Variants in NAV3 observed in about 807,000 individuals in gnomAD.
NAV3 encodes the protein pore membrane and/or filament interacting like protein 1.
Under a neutral mutation model 244.7 loss-of-function variants are expected in NAV3, and 87 were observed. The ratio of observed to expected loss-of-function variants is 0.36; its 90% CI spans 0.30 to 0.42. NAV3 has a LOEUF of 0.42. NAV3 is among the 20% of genes least tolerant of loss of function. The pLI, the probability that NAV3 is intolerant of heterozygous loss-of-function variation, is 1.00. For synonymous variants in NAV3, 1,126 were observed against 1,042.2 expected, an observed-to-expected ratio of 1.08 and a Z score of -1.55; for missense variants, 2,663 against 2,893.3, an observed-to-expected ratio of 0.92 and a Z score of 1.83.
At chr12:77,822,618 T>C (rs1440192890) in intron 2 of NAV3, among the ~76,000 whole-genome samples, 1 of 152,174 alleles carries the variant, frequency 6.6e-6, no homozygotes, top group Non-Finnish European at 1.5e-5. Context: ...TCTTATCTTA[T>C]TTTTTATTCT....
intron 1 of NAV3, among the ~76,000 whole-genome samples, chr12:77,936,562 A>G (rs1020293931): frequency 6.6e-6 from 1 of 152,184 alleles, no homozygotes; most frequent in Admixed American, 6.5e-5. Flanking sequence ...CAATTTCTTC[A>G]CTAAAAAAAC....
intron 2 of NAV3, among the ~76,000 whole-genome samples, chr12:77,777,952 C>T (rs1043321518): frequency 6.6e-6 from 1 of 151,880 alleles, no homozygotes; most frequent in South Asian, 2.1e-4. Context: ...ACTACAGGTA[C>T]GCACCACAAT....
chr12:77,822,768 G>C (rs1333461517), intron 2 of NAV3, among the ~76,000 whole-genome samples: 2 of 152,082 alleles, frequency 1.3e-5, no homozygotes, highest in African/African-American at 4.8e-5. Flanking sequence ...CAACTTGTTA[G>C]TACGAGTCAT....
At chr12:77,592,196 G>T (rs711107) in intron 2 of NAV3, among the ~76,000 whole-genome samples, 10,571 of 152,242 alleles carry the variant, frequency 0.069, 427 homozygotes, top group Middle Eastern at 0.15. Context: ...TCAACATGGG[G>T]CTGGAGACTG....
chr12:77,636,700 T>A (rs1872172894), intron 2 of NAV3, among the ~76,000 whole-genome samples: 1 of 152,118 alleles, frequency 6.6e-6, no homozygotes, highest in East Asian at 1.9e-4. Context: ...TGGACACATA[T>A]GTTTTTTGCA....
intron 21 of NAV3, among the ~76,000 whole-genome samples, chr12:78,146,689 T>A (rs2139191070): frequency 6.6e-6 from 1 of 152,226 alleles, no homozygotes. Flanking sequence ...AGGTCTATGG[T>A]CTTCCTATTT....
At chr12:77,650,254 C>A (rs1872765774) in intron 2 of NAV3, among the ~76,000 whole-genome samples, 1 of 152,064 alleles carries the variant, frequency 6.6e-6, no homozygotes, top group Non-Finnish European at 1.5e-5. Flanking sequence ...GTTTTAATAT[C>A]TTTAAAGAAG....
chr12:78,160,531 C>T (rs1259900008), intron 23 of NAV3, among the ~76,000 whole-genome samples: 2 of 151,988 alleles, frequency 1.3e-5, no homozygotes, highest in Non-Finnish European at 2.9e-5. Flanking sequence ...GAATGCGTTC[C>T]TCTATCTATC....
At chr12:77,688,273 TA>T in intron 2 of NAV3, among the ~76,000 whole-genome samples, 1 of 152,050 alleles carries the variant, frequency 6.6e-6, no homozygotes, top group East Asian at 1.9e-4. Context: ...TGGTGTTTGA[TA>T]AAGGGGACAC....
intron 2 of NAV3, among the ~76,000 whole-genome samples, chr12:77,676,871 A>G (rs1455965631): frequency 6.6e-6 from 1 of 152,148 alleles, no homozygotes; most frequent in Admixed American, 6.6e-5. Context: ...TTAAGGACCT[A>G]GGGTTAGGGT....
At chr12:77,788,116 G>T (rs1251114428) in intron 2 of NAV3, among the ~76,000 whole-genome samples, 1 of 152,064 alleles carries the variant, frequency 6.6e-6, no homozygotes, top group Non-Finnish European at 1.5e-5. Context: ...GTGCCTTTGT[G>T]TCTTCATGTA....
chr12:78,128,343 T>A (rs551830778), intron 17 of NAV3, among the ~76,000 whole-genome samples: 20 of 152,070 alleles, frequency 1.3e-4, no homozygotes, highest in Non-Finnish European at 2.2e-4. Context: ...TTCATTTCCC[T>A]TGGCCCTGGC....
chr12:78,189,018 C>A (rs1326556418), intron 33 of NAV3, among the ~76,000 whole-genome samples: 2 of 151,778 alleles, frequency 1.3e-5, no homozygotes, highest in Non-Finnish European at 2.9e-5. Flanking sequence ...TCAAGACTCA[C>A]AAAAAGGAAT....
At chr12:77,732,308 G>A (rs1877158275) in intron 2 of NAV3, among the ~76,000 whole-genome samples, 1 of 151,912 alleles carries the variant, frequency 6.6e-6, no homozygotes, top group Non-Finnish European at 1.5e-5. Context: ...CTTAAGAAGG[G>A]AGGTAGACAT....
chr12:77,930,830 T>C (rs1888711184), intron 1 of NAV3, among the ~76,000 whole-genome samples: 1 of 152,204 alleles, frequency 6.6e-6, no homozygotes, highest in Admixed American at 6.5e-5. Context: ...GAATTTGAGA[T>C]TGAAAATCAA....
intron 3 of NAV3, among the ~76,000 whole-genome samples, chr12:77,955,935 T>C (rs1274501546): frequency 7.9e-5 from 12 of 152,258 alleles, no homozygotes; most frequent in Non-Finnish European, 1.3e-4. Context: ...TAGGAGTCTG[T>C]GTTTCTGTGT....
At chr12:77,654,574 T>C (rs1309097248) in intron 2 of NAV3, among the ~76,000 whole-genome samples, 2 of 152,174 alleles carry the variant, frequency 1.3e-5, no homozygotes, top group Admixed American at 6.5e-5. Context: ...GACTTAAATG[T>C]CCCTGTCTGA....
chr12:77,680,924 T>C (rs1874424006), intron 2 of NAV3, among the ~76,000 whole-genome samples: 1 of 152,110 alleles, frequency 6.6e-6, no homozygotes, highest in African/African-American at 2.4e-5. Flanking sequence ...ATTAAAATAG[T>C]TTTCCCTTTT....
At chr12:78,104,597 TTTC>T in intron 12 of NAV3, among the ~76,000 whole-genome samples, 1 of 152,302 alleles carries the variant, frequency 6.6e-6, no homozygotes, top group Middle Eastern at 3.4e-3. Flanking sequence ...CAACAATTAT[TTTC>T]TTCTTGGAAT....
Sources: allele counts gnomAD v4.1 joint callset (sites outside exome capture counted in the v4.1 genomes callset), GRCh38; gene constraint gnomAD v4.1.1; transcripts MANE v1.5; gene names NCBI Gene and HGNC (gene_info 2026-07-23, HGNC 2026-07-21).